CACNA2D1: variants seen among roughly 807,000 people sequenced by gnomAD.
CACNA2D1 encodes calcium voltage-gated channel auxiliary subunit alpha2delta 1, also known as voltage-dependent calcium channel subunit alpha-2/delta-1.
Under a neutral mutation model 171.5 loss-of-function variants are expected in CACNA2D1, and 53 were observed. The observed-to-expected ratio is 0.31, with a 90% confidence interval of 0.25 to 0.39. CACNA2D1 has a LOEUF of 0.39. Among genes scored for constraint, CACNA2D1 ranks in the 10% least tolerant of loss-of-function variants. CACNA2D1 has a pLI of 1.00. For synonymous variants in CACNA2D1, 442 were observed against 443.1 expected, an observed-to-expected ratio of 1.00 and a Z score of 0.03; for missense variants, 903 against 1,299.8, an observed-to-expected ratio of 0.69 and a Z score of 4.69.
At chr7:82,433,400 T>C (rs1829873698) in intron 1 of CACNA2D1, among the ~76,000 whole-genome samples, 1 of 152,176 alleles carries the variant, frequency 6.6e-6, no homozygotes, top group African/African-American at 2.4e-5. Context: ...ATATTACTAA[T>C]GTGTATGTAT....
Position 82,136,680 on chromosome 7 carries a change from C to CAAAA in CACNA2D1, c.355-8_355-5dup. ...TGTAGTAGACAACTTCATTGCTCTA[C>CAAAA]AAAAAAAAAAGAACGCTTTATTGAT... On this transcript the variant is annotated splice_region_variant and splice_polypyrimidine_tract_variant and intron_variant, in intron 4 of 38. Transcript: ENST00000356860. The CAAAA allele has an allele frequency of 3.0e-6, 4 of 1,329,326 alleles. No homozygotes were observed. Among genetic ancestry groups the CAAAA allele is most frequent in the African/African-American group, 1.5e-5 (1 of 65,478 alleles). The allele number at this position is 1,329,326 out of a possible 1,614,324, so 82.3% of individuals were successfully genotyped here.
intron 7 of CACNA2D1, among the ~76,000 whole-genome samples, chr7:82,079,995 A>AT (rs954745040): frequency 6.0e-5 from 9 of 150,420 alleles, no homozygotes; most frequent in East Asian, 3.9e-4. Context: ...TCAATTTTTA[A>AT]TTTTTTTATT....
intron 3 of CACNA2D1, among the ~76,000 whole-genome samples, chr7:82,221,750 GA>G (rs952816255): frequency 4.5e-5 from 4 of 88,062 alleles, no homozygotes; most frequent in Admixed American, 1.2e-4. Context: ...TCTCAAAGAA[GA>G]AAAAAAATCA....
intron 3 of CACNA2D1, among the ~76,000 whole-genome samples, chr7:82,259,418 C>T (rs1585247566): frequency 1.3e-5 from 2 of 151,798 alleles, no homozygotes; most frequent in East Asian, 3.9e-4. Flanking sequence ...ATAAGTATAC[C>T]TCATTCGTGT....
chr7:82,191,335 A>G (rs1798271994), intron 3 of CACNA2D1, among the ~76,000 whole-genome samples: 1 of 151,822 alleles, frequency 6.6e-6, no homozygotes, highest in African/African-American at 2.4e-5. Context: ...AGTCTGGGAA[A>G]TAATTTTTCA....
intron 4 of CACNA2D1, among the ~76,000 whole-genome samples, chr7:82,151,082 C>G (rs1172423765): frequency 6.6e-6 from 1 of 151,982 alleles, no homozygotes; most frequent in African/African-American, 2.4e-5. Flanking sequence ...TTTCTGAAAG[C>G]AACAATCCAA....
At chr7:82,148,602 C>G (rs1793424040) in intron 4 of CACNA2D1, among the ~76,000 whole-genome samples, 2 of 152,062 alleles carry the variant, frequency 1.3e-5, no homozygotes, top group Non-Finnish European at 2.9e-5. Flanking sequence ...GAGAAAACTC[C>G]CCAGCTTCCC....
intron 3 of CACNA2D1, among the ~76,000 whole-genome samples, chr7:82,301,736 C>CACACACAA (rs1813026031): frequency 7.9e-6 from 1 of 126,554 alleles, no homozygotes; most frequent in East Asian, 2.4e-4. Context: ...ATAATACACA[C>CACACACAA]ACACACACAC....
chr7:82,170,538 AG>A lies in CACNA2D1; in HGVS notation c.354+11del. 3.1e-6 allele frequency: 5 copies of A among 1,604,260 alleles called. No individual in the cohort carries two copies. The highest frequency in any genetic ancestry group is 3.4e-6 in the Non-Finnish European group (4 of 1,171,338). The stretch of plus-strand genomic sequence containing the variant: ...AAGCTATTTAAATCAAGTAGTTAAA[AG>A]GGGTTCTTACTGCAAAATCTTCTCT... On this transcript the variant is annotated intron_variant, in intron 4 of 38. Transcript: ENST00000356860.
intron 3 of CACNA2D1, among the ~76,000 whole-genome samples, chr7:82,298,928 T>C (rs796856846): frequency 4.1e-4 from 63 of 151,974 alleles, no homozygotes; most frequent in African/African-American, 1.4e-3. Context: ...CCGGGCGTGG[T>C]GGCGGGTGCA....
intron 1 of CACNA2D1, among the ~76,000 whole-genome samples, chr7:82,430,796 C>A (rs187287497): frequency 6.6e-6 from 1 of 152,298 alleles, no homozygotes; most frequent in African/African-American, 2.4e-5. Context: ...TACTATCCTG[C>A]ACTTGCTCAA....
chr7:81,966,532 A>G (rs1794724829), intron 31 of CACNA2D1, among the ~76,000 whole-genome samples: 1 of 151,562 alleles, frequency 6.6e-6, no homozygotes, highest in African/African-American at 2.4e-5. Flanking sequence ...CAGACACACA[A>G]AAGAGGACTG....
intron 4 of CACNA2D1, among the ~76,000 whole-genome samples, chr7:82,153,820 A>G (rs1394123593): frequency 6.6e-6 from 1 of 151,282 alleles, no homozygotes; most frequent in African/African-American, 2.4e-5. Context: ...TCTAAGATAT[A>G]CAATTCTACC....
At chr7:82,213,310 A>G (rs999540882) in intron 3 of CACNA2D1, among the ~76,000 whole-genome samples, 2 of 152,194 alleles carry the variant, frequency 1.3e-5, no homozygotes, top group African/African-American at 4.8e-5. Flanking sequence ...CACACAAACA[A>G]AAAGAGAGAC....
At chr7:82,217,390 C>CACATATATAT (rs1402573092) in intron 3 of CACNA2D1, among the ~76,000 whole-genome samples, 2 of 54,446 alleles carry the variant, frequency 3.7e-5, no homozygotes, top group East Asian at 3.8e-4. Context: ...CACACACACA[C>CACATATATAT]ATACATATAT....
At chr7:82,160,689 A>C (rs761819267) in intron 4 of CACNA2D1, among the ~76,000 whole-genome samples, 8 of 151,944 alleles carry the variant, frequency 5.3e-5, no homozygotes, top group Non-Finnish European at 1.0e-4. Flanking sequence ...GCCCAGGCTA[A>C]TCTTGAAATC....
At chr7:82,227,121 G>A (rs2129268506) in intron 3 of CACNA2D1, among the ~76,000 whole-genome samples, 1 of 152,216 alleles carries the variant, frequency 6.6e-6, no homozygotes, top group South Asian at 2.1e-4. Flanking sequence ...AATATATAAA[G>A]TTGAAAAATA....
chr7:82,119,406 A>G (rs968951677), intron 5 of CACNA2D1, among the ~76,000 whole-genome samples: 2 of 152,210 alleles, frequency 1.3e-5, no homozygotes. Context: ...AGACAGAGAT[A>G]CAAGCTAATG....
chr7:82,392,290 CCCAGCCACACTGAGAGAGACAGA>C (rs778497450), intron 1 of CACNA2D1, among the ~76,000 whole-genome samples: 56 of 152,322 alleles, frequency 3.7e-4, no homozygotes, highest in Non-Finnish European at 5.3e-4. Context: ...AAGGCCCAGA[CCCAGCCACACTGAGAGAGACAGA>C]CCACCCAACT....
Sources: allele counts gnomAD v4.1 joint callset (sites outside exome capture counted in the v4.1 genomes callset), GRCh38; gene constraint gnomAD v4.1.1; transcripts MANE v1.5; gene names NCBI Gene and HGNC (gene_info 2026-07-23, HGNC 2026-07-21).